Variants in SLC25A21 observed in about 807,000 individuals in gnomAD.
SLC25A21 encodes mitochondrial 2-oxodicarboxylate carrier.
Under a neutral mutation model 43.8 loss-of-function variants are expected in SLC25A21, and 47 were observed. The ratio of observed to expected loss-of-function variants is 1.07; its 90% CI spans 0.85 to 1.37. The LOEUF is 1.37. SLC25A21 is among the 40% of genes most tolerant of loss of function. SLC25A21 has a pLI of 0.00. For missense variants in SLC25A21, 352 were observed against 350.2 expected (o/e 1.00, Z -0.04); for synonymous variants, 131 against 121.3 (o/e 1.08, Z -0.52).
intron 1 of SLC25A21, among the ~76,000 whole-genome samples, chr14:36,914,186 T>A (rs769636927): frequency 6.6e-6 from 1 of 152,228 alleles, no homozygotes; most frequent in African/African-American, 2.4e-5. Flanking sequence ...GTGTTTAATT[T>A]ACTTCCAGAT....
chr14:37,091,249 A>G (rs1484517456), intron 1 of SLC25A21, among the ~76,000 whole-genome samples: 1 of 152,158 alleles, frequency 6.6e-6, no homozygotes, highest in Non-Finnish European at 1.5e-5. Flanking sequence ...CCTGGCTAAC[A>G]TGGTGAAACA....
At chr14:36,934,028 C>T (rs2138639949) in intron 1 of SLC25A21, among the ~76,000 whole-genome samples, 1 of 152,148 alleles carries the variant, frequency 6.6e-6, no homozygotes, top group South Asian at 2.1e-4. Flanking sequence ...GACTAGCTTT[C>T]AGTCAGAGTG....
chr14:36,724,429 G>A (rs1216205137), intron 6 of SLC25A21, among the ~76,000 whole-genome samples: 3 of 152,248 alleles, frequency 2.0e-5, no homozygotes, highest in African/African-American at 7.2e-5. Flanking sequence ...CCCATTAGCA[G>A]CTGCTTATGC....
chr14:37,144,985 T>C (rs1167080953), intron 1 of SLC25A21, among the ~76,000 whole-genome samples: 1 of 152,022 alleles, frequency 6.6e-6, no homozygotes, highest in African/African-American at 2.4e-5. Context: ...TGGAAGAGTC[T>C]TAACTACTCA....
intron 1 of SLC25A21, among the ~76,000 whole-genome samples, chr14:37,085,143 C>T (rs1167489156): frequency 6.6e-6 from 1 of 151,974 alleles, no homozygotes; most frequent in Non-Finnish European, 1.5e-5. Flanking sequence ...CAAGAAATGC[C>T]ACTGTTGCTC....
intron 1 of SLC25A21, among the ~76,000 whole-genome samples, chr14:36,927,164 C>T (rs964043081): frequency 3.3e-5 from 5 of 152,224 alleles, no homozygotes; most frequent in South Asian, 2.1e-4. Context: ...GACAAGACTT[C>T]GTCTTAAAAC....
intron 1 of SLC25A21, among the ~76,000 whole-genome samples, chr14:37,168,656 A>AG (rs1301276002): frequency 1.3e-5 from 2 of 152,054 alleles, no homozygotes; most frequent in African/African-American, 4.8e-5. Flanking sequence ...CGAAAAAAAA[A>AG]GCAAGTTAGT....
intron 1 of SLC25A21, among the ~76,000 whole-genome samples, chr14:36,998,040 C>A (rs1352809727): frequency 3.3e-5 from 5 of 152,150 alleles, no homozygotes. Context: ...GTCTAGATTT[C>A]TTGCCAAGAT....
At chr14:36,966,039 A>T (rs1959605551) in intron 1 of SLC25A21, among the ~76,000 whole-genome samples, 5 of 152,196 alleles carry the variant, frequency 3.3e-5, no homozygotes. Flanking sequence ...AAAAGTTTTT[A>T]AAAATTAAGG....
intron 1 of SLC25A21, among the ~76,000 whole-genome samples, chr14:37,031,050 T>C (rs921169355): frequency 6.6e-6 from 1 of 152,244 alleles, no homozygotes; most frequent in Middle Eastern, 3.2e-3. Flanking sequence ...CTTTGCCTTC[T>C]ACCTCATTTT....
intron 1 of SLC25A21, among the ~76,000 whole-genome samples, chr14:37,030,129 T>C (rs1239343899): frequency 6.6e-6 from 1 of 152,136 alleles, no homozygotes; most frequent in Non-Finnish European, 1.5e-5. Flanking sequence ...ACTTTGTATA[T>C]GTATTATATA....
At chr14:36,881,684 A>G (rs572783638) in intron 1 of SLC25A21, among the ~76,000 whole-genome samples, 43 of 152,296 alleles carry the variant, frequency 2.8e-4, no homozygotes, top group Non-Finnish European at 5.3e-4. Flanking sequence ...AACATACCTC[A>G]TCCCTGCCAA....
chr14:37,074,616 G>A (rs944136915), intron 1 of SLC25A21, among the ~76,000 whole-genome samples: 2 of 152,134 alleles, frequency 1.3e-5, no homozygotes, highest in African/African-American at 4.8e-5. Context: ...TGGATCACCT[G>A]AGGTCAGTAG....
At chr14:36,740,395 G>C (rs559416384) in intron 3 of SLC25A21, among the ~76,000 whole-genome samples, 1 of 152,170 alleles carries the variant, frequency 6.6e-6, no homozygotes, top group Non-Finnish European at 1.5e-5. Context: ...AAAGCCACTA[G>C]ATTGTGATGG....
intron 1 of SLC25A21, among the ~76,000 whole-genome samples, chr14:36,948,352 G>A (rs1456158885): frequency 1.3e-5 from 2 of 152,142 alleles, no homozygotes; most frequent in African/African-American, 4.8e-5. Flanking sequence ...GCATACAAGT[G>A]GATTCAGTTA....
chr14:36,703,243 C>T (rs1020439060), intron 7 of SLC25A21, among the ~76,000 whole-genome samples: 11 of 152,176 alleles, frequency 7.2e-5, no homozygotes, highest in Non-Finnish European at 1.6e-4. Flanking sequence ...TCTAAGTTCT[C>T]CCCTTGAACC....
intron 1 of SLC25A21, among the ~76,000 whole-genome samples, chr14:37,082,986 A>G (rs1362467386): frequency 2.0e-5 from 3 of 152,230 alleles, no homozygotes; most frequent in Admixed American, 6.5e-5. Context: ...ATTATTGTCT[A>G]AAGTTCATTC....
At chr14:36,822,455 A>AT in intron 2 of SLC25A21, among the ~76,000 whole-genome samples, 1 of 152,232 alleles carries the variant, frequency 6.6e-6, no homozygotes, top group East Asian at 1.9e-4. Context: ...GTTAAAATCT[A>AT]TATGTCTTTA....
At chr14:36,980,985 T>G (rs1476464469) in intron 1 of SLC25A21, among the ~76,000 whole-genome samples, 1 of 151,960 alleles carries the variant, frequency 6.6e-6, no homozygotes, top group African/African-American at 2.4e-5. Flanking sequence ...AACTTAAGTT[T>G]ACAAGAAAAA....
Sources: gnomAD v4.1 joint callset for allele counts (sites outside exome capture counted in the v4.1 genomes callset) on GRCh38, gnomAD v4.1.1 for gene constraint, MANE v1.5 for transcripts, NCBI Gene and HGNC (gene_info 2026-07-23, HGNC 2026-07-21) for gene names.